Variants in FGF8 observed in about 807,000 individuals in gnomAD.
The protein encoded by FGF8 is fibroblast growth factor 8.
FGF8 carries 12 observed loss-of-function variants against 29.7 expected under a neutral mutation model. The observed-to-expected ratio is 0.40, with a 90% CI of 0.26 to 0.65. FGF8 has a LOEUF of 0.65. Among genes scored for constraint, FGF8 ranks in the 30% least tolerant of loss-of-function variants. The pLI, the probability that FGF8 is intolerant of heterozygous loss-of-function variation, is 0.37. For missense variants in FGF8, 271 were observed against 345.1 expected, an observed-to-expected ratio of 0.79 and a Z score of 1.70; for synonymous variants, 157 against 144.4, an observed-to-expected ratio of 1.09 and a Z score of -0.63.
Position 101,770,422 on chromosome 10 carries a change from G to C in FGF8, c.642C>G (p.Thr214=). 1 of 1,608,486 alleles carries C rather than the reference G, an allele frequency of 6.2e-7. No individual in the cohort carries two copies. Among genetic ancestry groups the C allele is most frequent in the East Asian group, 2.2e-5 (1 of 44,634 alleles). The stretch of plus-strand genomic sequence containing the variant: ...GGAACTCGAAGCGCAGGCTCTGCTC[G>C]GTGGTGTGGTGGCCCCGGGGCAGCC... ...MKRLPRGHHT[T]EQSLRFEFLN... is the part of the protein sequence containing the mutation. Residue 214 remains threonine, a synonymous_variant, in exon 6 of 6, where the codon ACC becomes ACG. Transcript: ENST00000320185.
upstream of FGF8, among the ~76,000 whole-genome samples, chr10:101,776,899 T>G (rs535293301): frequency 7.6e-6 from 1 of 130,922 alleles, no homozygotes; most frequent in East Asian, 2.4e-4. Context: ...CACACTAGCC[T>G]GAAGCTTGAG....
rs1342414494 is a variant in FGF8 at position 101,771,062 on chromosome 10, G to T, written c.444+401C>A. Among the ~76,000 whole-genome samples the T allele has an allele frequency of 6.6e-6, 1 of 151,916 alleles. No homozygotes were observed. The highest frequency in any genetic ancestry group is 2.4e-5 in the African/African-American group (1 of 41,318). Reference sequence around the variant, plus strand: ...CAGAAGCCCAGGAAGTGGGGAGCTCGAGGCTGGAGAGGAGCCGTGACTAAT... The same window carrying T: ...CAGAAGCCCAGGAAGTGGGGAGCTCTAGGCTGGAGAGGAGCCGTGACTAAT... On this transcript the variant is annotated intron_variant, in intron 5 of 5. Transcript: ENST00000320185. This position sits in a 1 kb window ranked among gnomAD's most constrained non-coding sequence, Gnocchi z 5.3.
chr10:101,774,620 G>C, intron 4 of FGF8, 112 bp downstream of exon 4: 1 of 909,024 alleles, frequency 1.1e-6, no homozygotes, highest in Admixed American at 2.0e-5. Context: ...ACACCTTTCT[G>C]CCTTAACTCC....
Position 101,775,998 on chromosome 10 carries a change from CG to C in FGF8, c.-99del. Reference sequence around the variant, plus strand: ...GAGCAGGGCGCGAGCGGAGAGGGTGCGGGTGCGGGAGGCCGGCGGCGATCAC... The same window carrying C: ...GAGCAGGGCGCGAGCGGAGAGGGTGCGGTGCGGGAGGCCGGCGGCGATCAC... On this transcript the variant is annotated 5_prime_UTR_variant, in exon 1 of 6. Coordinates refer to ENST00000320185, the MANE Select transcript of FGF8 (RefSeq NM_033163.5). The surrounding 1 kb of genome is among the most constrained non-coding windows in gnomAD (Gnocchi z 4.6). 1 of 784,122 alleles carries C rather than the reference CG, an allele frequency of 1.3e-6. No homozygotes were observed. Among genetic ancestry groups the C allele is most frequent in the Non-Finnish European group, 1.6e-6 (1 of 614,180 alleles). 48.6% of individuals were successfully genotyped at this position (784,122 alleles called of 1,614,324 possible). A position where few individuals can be genotyped will look rare whatever the true frequency, so the allele number is the denominator to read the frequency against.
upstream of FGF8, among the ~76,000 whole-genome samples, chr10:101,779,012 C>G (rs1177056782): frequency 2.0e-5 from 3 of 152,298 alleles, no homozygotes; most frequent in East Asian, 3.9e-4. The surrounding 1 kb of genome is among the most constrained non-coding windows in gnomAD (Gnocchi z 5.7). Flanking sequence ...AACACACACA[C>G]GCACAGACAC....
intron 4 of FGF8, among the ~76,000 whole-genome samples, chr10:101,773,581 C>T (rs1334136458): frequency 1.3e-5 from 2 of 152,004 alleles, no homozygotes; most frequent in Admixed American, 1.3e-4. Flanking sequence ...CAAACCTATT[C>T]TTCCACCCCA....
chr10:101,778,211 C>T (rs1162638582), upstream of FGF8, among the ~76,000 whole-genome samples: 3 of 152,240 alleles, frequency 2.0e-5, no homozygotes, highest in East Asian at 5.8e-4. Context: ...GGAGAGCAGG[C>T]ACTTCCTGTA....
upstream of FGF8, among the ~76,000 whole-genome samples, chr10:101,776,613 A>G (rs934777679): frequency 6.6e-6 from 1 of 151,470 alleles, no homozygotes; most frequent in Admixed American, 6.6e-5. Flanking sequence ...CGAGCCACCT[A>G]CTGTGTGTCC....
intron 4 of FGF8, among the ~76,000 whole-genome samples, chr10:101,773,270 C>G (rs1589812135): frequency 6.6e-6 from 1 of 152,198 alleles, no homozygotes; most frequent in African/African-American, 2.4e-5. Flanking sequence ...GCTTCCCTCC[C>G]CGAAATCCAA....
In FGF8 at chr10:101,775,841, T is replaced by TGGGGGGGGGGGGGGGGGGGGGGGGG; in HGVS notation, c.32+27_32+28insCCCCCCCCCCCCCCCCCCCCCCCCC. On this transcript the variant is annotated intron_variant, in intron 1 of 5. Coordinates refer to ENST00000320185, the MANE Select transcript of FGF8 (RefSeq NM_033163.5). This position sits in a 1 kb window ranked among gnomAD's most constrained non-coding sequence, Gnocchi z 4.6. ...TGAGGCGAGGGGCGCGGGGGGCGGG[T>TGGGGGGGGGGGGGGGGGGGGGGGGG]GGCGGGGCAGGGCGGCGCGGTACTC... 1 of 979,658 alleles carries TGGGGGGGGGGGGGGGGGGGGGGGGG rather than the reference T, an allele frequency of 1.0e-6. No homozygotes were observed. Among genetic ancestry groups the TGGGGGGGGGGGGGGGGGGGGGGGGG allele is most frequent in the South Asian group, 1.7e-5 (1 of 59,472 alleles). The allele number at this position is 979,658 out of a possible 1,614,324, so 60.7% of individuals were successfully genotyped here.
upstream of FGF8, among the ~76,000 whole-genome samples, chr10:101,777,545 G>A (rs1182139634): frequency 6.6e-6 from 1 of 152,236 alleles, no homozygotes; most frequent in East Asian, 1.9e-4. Context: ...CTGAGCAATG[G>A]AGAGATGGGA....
chr10:101,779,873 CGAAT>C (rs1207431934), upstream of FGF8, among the ~76,000 whole-genome samples: 6 of 152,302 alleles, frequency 3.9e-5, no homozygotes, highest in African/African-American at 1.4e-4. This position sits in a 1 kb window ranked among gnomAD's most constrained non-coding sequence, Gnocchi z 5.7. Context: ...TCAAGTCGTT[CGAAT>C]GAATGAATGA....
chr10:101,779,142 C>T (rs2065121741), upstream of FGF8, among the ~76,000 whole-genome samples: 1 of 152,218 alleles, frequency 6.6e-6, no homozygotes, highest in East Asian at 1.9e-4. This position sits in a 1 kb window ranked among gnomAD's most constrained non-coding sequence, Gnocchi z 5.7. Context: ...AAACGCACCC[C>T]TCGATCCCAG....
chr10:101,770,854 C>G (rs1194272168), intron 5 of FGF8, among the ~76,000 whole-genome samples: 1 of 151,306 alleles, frequency 6.6e-6, no homozygotes, highest in Non-Finnish European at 1.5e-5. Context: ...GGGCTGGGCC[C>G]CAACGCAGAA....
In FGF8 at chr10:101,775,347, C is replaced by A; in HGVS notation, c.70-131G>T. 1.4e-6 allele frequency: 1 copy of A among 695,424 alleles called. No individual in the cohort carries two copies. Among genetic ancestry groups the A allele is most frequent in the South Asian group, 1.6e-5 (1 of 61,340 alleles). The allele number at this position is 695,424 out of a possible 1,614,324, so 43.1% of individuals were successfully genotyped here. ...CACCCGATCATTGGGCCAAATCGGC[C>A]ACAAGCCTCCCCCGAGGGGCGCTGA... On this transcript the variant is annotated intron_variant, in intron 2 of 5. Transcript: ENST00000320185. The surrounding 1 kb of genome is among the most constrained non-coding windows in gnomAD (Gnocchi z 4.6).
chr10:101,774,027 G>A (rs990664436), intron 4 of FGF8, among the ~76,000 whole-genome samples: 1 of 152,082 alleles, frequency 6.6e-6, no homozygotes, highest in Non-Finnish European at 1.5e-5. Context: ...CACAATAATC[G>A]CTCTCTAAAA....
At chr10:101,776,816 T>C, upstream of FGF8, among the ~76,000 whole-genome samples, 2 of 138,984 alleles carry the variant, frequency 1.4e-5, no homozygotes, top group African/African-American at 2.8e-5. Flanking sequence ...CCTCCCCCCA[T>C]CCCATTATCA....
At chr10:101,776,856 A>T, upstream of FGF8, among the ~76,000 whole-genome samples, 1 of 17,568 alleles carries the variant, frequency 5.7e-5, no homozygotes, top group South Asian at 1.5e-3. Context: ...GCCCCTCACC[A>T]CACACACACA....
chr10:101,778,311 C>T (rs1388205310), upstream of FGF8, among the ~76,000 whole-genome samples: 1 of 152,124 alleles, frequency 6.6e-6, no homozygotes, highest in African/African-American at 2.4e-5. Flanking sequence ...TGAGGGTGAC[C>T]CGCCCATCCA....
Sources: gnomAD v4.1 joint callset for allele counts (sites outside exome capture counted in the v4.1 genomes callset) on GRCh38, gnomAD v4.1.1 for gene constraint, Gnocchi (gnomAD v3.1) non-coding constraint, MANE v1.5 for transcripts, NCBI Gene and HGNC (gene_info 2026-07-23, HGNC 2026-07-21) for gene names.